Variants in PDE1C observed in about 807,000 individuals in gnomAD.
The protein encoded by PDE1C is phosphodiesterase 1C, also known as dual specificity calcium/calmodulin-dependent 3',5'-cyclic nucleotide phosphodiesterase 1C.
PDE1C carries 62 observed loss-of-function variants against 93.1 expected under a neutral mutation model. The ratio of observed to expected loss-of-function variants is 0.67; its 90% confidence interval spans 0.54 to 0.82. The LOEUF (loss-of-function observed/expected upper bound fraction) is 0.82. Ranked by LOEUF, PDE1C falls within the 40% of genes least tolerant of loss-of-function variation. PDE1C has a pLI of 0.00. For missense variants in PDE1C, 742 were observed against 884.6 expected, an observed-to-expected ratio of 0.84 and a Z score of 2.04; for synonymous variants, 325 against 310.1, an observed-to-expected ratio of 1.05 and a Z score of -0.50.
At chr7:31,744,002 T>G in the PDE1C span, among the ~76,000 whole-genome samples, 1 of 152,146 alleles carries the variant, frequency 6.6e-6, no homozygotes, top group Non-Finnish European at 1.5e-5. Context: ...GAGTGTTTAG[T>G]GTTTACAGCT....
the PDE1C span, chr7:31,642,657 C>T: frequency 6.2e-7 from 1 of 1,601,904 alleles, no homozygotes. Context: ...TGACCTGTTT[C>T]CCTTTGTCCT....
intron 1 of PDE1C, among the ~76,000 whole-genome samples, chr7:32,266,249 T>G (rs1346956430): frequency 6.6e-6 from 1 of 151,500 alleles, no homozygotes; most frequent in Admixed American, 6.6e-5. Flanking sequence ...GCCACTGCAC[T>G]CCAGCCTGGG....
chr7:32,018,411 A>C (rs549330105), intron 2 of PDE1C, among the ~76,000 whole-genome samples: 10 of 152,326 alleles, frequency 6.6e-5, no homozygotes, highest in African/African-American at 2.4e-4. Flanking sequence ...CAAAATATGG[A>C]AACAACCACA....
intron 1 of PDE1C, among the ~76,000 whole-genome samples, chr7:32,056,490 T>C (rs1223815541): frequency 6.6e-6 from 1 of 151,998 alleles, no homozygotes; most frequent in African/African-American, 2.4e-5. Flanking sequence ...CTTTAATCCC[T>C]TCTCCAACTT....
intron 7 of PDE1C, among the ~76,000 whole-genome samples, chr7:31,858,361 T>G (rs1794275526): frequency 1.3e-5 from 2 of 152,138 alleles, no homozygotes; most frequent in African/African-American, 4.8e-5. Flanking sequence ...CTCTCTACCA[T>G]AATGCCTGAC....
intron 1 of PDE1C, among the ~76,000 whole-genome samples, chr7:32,317,274 G>A (rs756156333): frequency 1.3e-5 from 2 of 152,128 alleles, no homozygotes; most frequent in African/African-American, 2.4e-5. Context: ...GATCTATACC[G>A]TGGTCCAGCT....
At chr7:32,282,371 G>A (rs1230529288) in intron 1 of PDE1C, among the ~76,000 whole-genome samples, 1 of 151,238 alleles carries the variant, frequency 6.6e-6, no homozygotes, top group African/African-American at 2.4e-5. Context: ...AGCTACTCGG[G>A]AGGCTGAGGC....
At chr7:31,993,468 G>C (rs1321808175) in intron 2 of PDE1C, among the ~76,000 whole-genome samples, 1 of 152,158 alleles carries the variant, frequency 6.6e-6, no homozygotes, top group Non-Finnish European at 1.5e-5. Flanking sequence ...GCACAGAGAT[G>C]GAGGGCATAT....
At chr7:31,860,805 A>G (rs1446802712) in intron 7 of PDE1C, among the ~76,000 whole-genome samples, 1 of 152,054 alleles carries the variant, frequency 6.6e-6, no homozygotes, top group Non-Finnish European at 1.5e-5. Context: ...ACATATTCTC[A>G]TTTTTTCTTC....
chr7:31,670,777 C>T, the PDE1C span, among the ~76,000 whole-genome samples: 1 of 152,104 alleles, frequency 6.6e-6, no homozygotes, highest in Non-Finnish European at 1.5e-5. Flanking sequence ...TATTTTCCCA[C>T]TTGAATGTTG....
chr7:31,706,922 C>T, the PDE1C span, among the ~76,000 whole-genome samples: 2 of 152,210 alleles, frequency 1.3e-5, no homozygotes, highest in African/African-American at 4.8e-5. Flanking sequence ...TCCCGCCATG[C>T]TGCAAGCTTA....
chr7:32,133,454 GC>G (rs1486339079), intron 3 of PDE1C, among the ~76,000 whole-genome samples: 1 of 152,134 alleles, frequency 6.6e-6, no homozygotes, highest in Non-Finnish European at 1.5e-5. Context: ...CAAATAGAAA[GC>G]CTGCCAGTTT....
chr7:31,967,011 C>A (rs9692523), intron 2 of PDE1C, among the ~76,000 whole-genome samples: 97,176 of 151,556 alleles, frequency 0.64, 32,253 homozygotes, highest in African/African-American at 0.82. Context: ...AAAGCAGGAA[C>A]GATCCAAAAT....
chr7:31,860,897 A>G (rs1003561090), intron 7 of PDE1C, among the ~76,000 whole-genome samples: 1 of 152,162 alleles, frequency 6.6e-6, no homozygotes, highest in African/African-American at 2.4e-5. Context: ...CTCGAAGTAG[A>G]GTGAAAGCAT....
At chr7:31,783,493 A>G (rs1217477794) in intron 16 of PDE1C, 1 of 151,934 alleles carries the variant, frequency 6.6e-6, no homozygotes, top group Non-Finnish European at 1.5e-5. Flanking sequence ...TCAAAGAAAG[A>G]AAAAAAAGTC....
At chr7:32,166,947 AT>A (rs1216252912) in intron 3 of PDE1C, among the ~76,000 whole-genome samples, 1 of 152,154 alleles carries the variant, frequency 6.6e-6, no homozygotes, top group African/African-American at 2.4e-5. Flanking sequence ...TCTACCAGCA[AT>A]TTTTTATAGG....
At chr7:31,906,092 CTT>C in intron 2 of PDE1C, among the ~76,000 whole-genome samples, 1 of 152,258 alleles carries the variant, frequency 6.6e-6, no homozygotes, top group African/African-American at 2.4e-5. Context: ...TCAGGTATGT[CTT>C]TATTAGCAGC....
At chr7:32,390,833 A>G (rs894412360) in intron 1 of PDE1C, among the ~76,000 whole-genome samples, 1 of 152,182 alleles carries the variant, frequency 6.6e-6, no homozygotes, top group African/African-American at 2.4e-5. Context: ...AGCCTGGGCA[A>G]CAGAGTGAGT....
At chr7:32,198,960 A>G (rs1353141217) in intron 2 of PDE1C, among the ~76,000 whole-genome samples, 1 of 151,924 alleles carries the variant, frequency 6.6e-6, no homozygotes, top group Non-Finnish European at 1.5e-5. Flanking sequence ...CTACTGAAAA[A>G]AAAAATACAA....
Sources: allele counts gnomAD v4.1 joint callset (sites outside exome capture counted in the v4.1 genomes callset), GRCh38; gene constraint gnomAD v4.1.1; transcripts MANE v1.5; gene names NCBI Gene and HGNC (gene_info 2026-07-23, HGNC 2026-07-21).